The following KDM4C variants were observed in gnomAD, a reference collection of about 807,000 sequenced individuals.
The protein encoded by KDM4C is lysine demethylase 4C.
KDM4C carries 81 observed loss-of-function variants against 129.3 expected under a neutral mutation model. The observed-to-expected ratio is 0.63, with a 90% CI of 0.52 to 0.75. The LOEUF (loss-of-function observed/expected upper bound fraction) is 0.75, where lower values mean the gene tolerates loss of function less well. Ranked by LOEUF, KDM4C falls within the 30% of genes least tolerant of loss-of-function variation. The pLI, the probability that KDM4C is intolerant of heterozygous loss-of-function variation, is 0.00. For synonymous variants in KDM4C, 573 were observed against 456.1 expected (o/e 1.26, Z -3.26); for missense variants, 1,457 against 1,304.0 (o/e 1.12, Z -1.81).
chr9:6,948,934 TC>T (rs1283512311), intron 8 of KDM4C, among the ~76,000 whole-genome samples: 5 of 151,968 alleles, frequency 3.3e-5, no homozygotes, highest in Non-Finnish European at 7.4e-5. Context: ...TCCCCACATT[TC>T]CCCCTTCTCT....
chr9:6,910,091 G>T (rs917914755), intron 8 of KDM4C, among the ~76,000 whole-genome samples: 7 of 152,064 alleles, frequency 4.6e-5, no homozygotes, highest in Non-Finnish European at 7.4e-5. Flanking sequence ...AAATGTACTT[G>T]AATATTTTAA....
intron 4 of KDM4C, among the ~76,000 whole-genome samples, chr9:6,823,675 T>C (rs927885198): frequency 1.1e-4 from 16 of 152,216 alleles, no homozygotes; most frequent in African/African-American, 2.4e-4. Flanking sequence ...CAGATAATCA[T>C]TGGTCTCCTA....
At chr9:6,916,692 T>C (rs906279859) in intron 8 of KDM4C, among the ~76,000 whole-genome samples, 2 of 152,264 alleles carry the variant, frequency 1.3e-5, no homozygotes, top group African/African-American at 4.8e-5. Context: ...AAGCCAGTTC[T>C]AACTTACAAA....
At chr9:6,863,762 C>A (rs1019972358) in intron 5 of KDM4C, among the ~76,000 whole-genome samples, 1 of 148,320 alleles carries the variant, frequency 6.7e-6, no homozygotes, top group Non-Finnish European at 1.5e-5. Flanking sequence ...GCCACTGCCT[C>A]CAGCCTGGGC....
intron 18 of KDM4C, among the ~76,000 whole-genome samples, chr9:7,116,085 AT>A (rs1838866197): frequency 6.6e-6 from 1 of 152,314 alleles, no homozygotes; most frequent in Non-Finnish European, 1.5e-5. Flanking sequence ...GTTCTGAAAT[AT>A]CATTTTGGCT....
rs538902784 is a variant in KDM4C at position 6,849,106 on chromosome 9, A to G, written c.436-401A>G. On this transcript the variant is annotated intron_variant, in intron 4 of 21. Coordinates refer to ENST00000381309, the MANE Select transcript of KDM4C (RefSeq NM_015061.6). ...TACCTCTAAACTAATGTGCAAAAAA[A>G]TCCCAAGAAAACCCAAATCTCAAAA... is the stretch of plus-strand genomic sequence containing the variant. Among the ~76,000 whole-genome samples, 3 of 152,344 alleles carry G rather than the reference A, an allele frequency of 2.0e-5. No individual in the cohort carries two copies. In the East Asian group the frequency reaches 5.8e-4, roughly 29 times the overall value.
rs114244978 is a variant in KDM4C, at chr9:6,730,858, G to A, written c.49+9861G>A. Among the ~76,000 whole-genome samples the A allele has an allele frequency of 9.4e-3, 1,430 of 152,278 alleles. 21 individuals carry two copies. The highest frequency in any genetic ancestry group is 0.033 in the African/African-American group (1,360 of 41,556). Reference sequence around the variant, plus strand: ...TTTGAACACTCCGCAGTGTATGAGTGGTTGAAGTATGGCTGCTGGGATGGG... The same window carrying A: ...TTTGAACACTCCGCAGTGTATGAGTAGTTGAAGTATGGCTGCTGGGATGGG... On this transcript the variant is annotated intron_variant, in intron 1 of 17. Coordinates refer to the KDM4C transcript ENST00000536108.
At chr9:6,793,235 G>T (rs1006353024) in intron 2 of KDM4C, 103 bp downstream of exon 2, 5 of 1,262,680 alleles carry the variant, frequency 4.0e-6, no homozygotes, top group Non-Finnish European at 5.5e-6. Flanking sequence ...GAAGAAATTT[G>T]CAAAATCTTT....
chr9:6,842,232 T>C (rs1425212040), intron 4 of KDM4C, among the ~76,000 whole-genome samples: 1 of 152,124 alleles, frequency 6.6e-6, no homozygotes, highest in African/African-American at 2.4e-5. Flanking sequence ...TTAAAATTAC[T>C]GTAATAAGTA....
intron 19 of KDM4C, among the ~76,000 whole-genome samples, chr9:7,163,550 C>G (rs938853718): frequency 6.6e-6 from 1 of 152,184 alleles, no homozygotes; most frequent in Non-Finnish European, 1.5e-5. Flanking sequence ...TATGCCACCT[C>G]CTGCCGCCAC....
chr9:6,856,633 T>C (rs1261159570), intron 5 of KDM4C, among the ~76,000 whole-genome samples: 1 of 151,374 alleles, frequency 6.6e-6, no homozygotes, highest in Non-Finnish European at 1.5e-5. Context: ...AATGCGGTGT[T>C]GCGATGATGG....
intron 8 of KDM4C, among the ~76,000 whole-genome samples, chr9:6,912,382 T>A (rs1819483097): frequency 6.6e-6 from 1 of 152,196 alleles, no homozygotes; most frequent in African/African-American, 2.4e-5. Flanking sequence ...CTGGAGAAGA[T>A]GTACACACCA....
At chr9:6,865,396 C>T (rs777483160) in intron 5 of KDM4C, among the ~76,000 whole-genome samples, 15 of 152,148 alleles carry the variant, frequency 9.9e-5, no homozygotes, top group Non-Finnish European at 2.2e-4. Context: ...ATCTTGAATT[C>T]CTGATCAGAG....
intron 15 of KDM4C, among the ~76,000 whole-genome samples, chr9:7,044,052 G>A (rs1829014435): frequency 6.6e-6 from 1 of 151,988 alleles, no homozygotes; most frequent in Non-Finnish European, 1.5e-5. Context: ...CACTCAGTGA[G>A]TTTACAGTTT....
chr9:7,092,129 T>C (rs963064365), intron 17 of KDM4C, among the ~76,000 whole-genome samples: 2 of 152,226 alleles, frequency 1.3e-5, no homozygotes, highest in Non-Finnish European at 2.9e-5. Context: ...TTTCTTCTTC[T>C]TCTTCATCCT....
intron 13 of KDM4C, 107 bp downstream of exon 13, chr9:7,011,986 G>C: frequency 4.6e-6 from 4 of 869,162 alleles, no homozygotes; most frequent in Non-Finnish European, 7.1e-6. Context: ...ACATAAGAAG[G>C]AAGACGTCCT....
At chr9:7,093,763 A>T (rs1321146905) in intron 17 of KDM4C, among the ~76,000 whole-genome samples, 4 of 152,240 alleles carry the variant, frequency 2.6e-5, no homozygotes, top group Non-Finnish European at 1.5e-5. Context: ...TTAATGCATT[A>T]AGTACTTAGT....
intron 1 of KDM4C, among the ~76,000 whole-genome samples, chr9:6,750,786 G>A (rs935722899): frequency 1.3e-5 from 2 of 152,188 alleles, no homozygotes; most frequent in East Asian, 1.9e-4. Flanking sequence ...ACCTCAAAAC[G>A]TAGTGGTTTA....
intron 1 of KDM4C, among the ~76,000 whole-genome samples, chr9:6,744,552 CA>C (rs1384372171): frequency 1.3e-5 from 2 of 151,996 alleles, no homozygotes; most frequent in Non-Finnish European, 2.9e-5. Flanking sequence ...AAACTAGTAA[CA>C]GCTTAATTTT....
Sources: allele counts gnomAD v4.1 joint callset (sites outside exome capture counted in the v4.1 genomes callset), GRCh38; gene constraint gnomAD v4.1.1; transcripts MANE v1.5; gene names NCBI Gene and HGNC (gene_info 2026-07-23, HGNC 2026-07-21).